PHACTR1: variants seen among roughly 807,000 people sequenced by gnomAD.
PHACTR1 encodes phosphatase and actin regulator 1.
PHACTR1 carries 16 observed loss-of-function variants against 69.2 expected under a neutral mutation model. The observed-to-expected ratio is 0.23, with a 90% CI of 0.16 to 0.35. The LOEUF (loss-of-function observed/expected upper bound fraction) is 0.35. Among genes scored for constraint, PHACTR1 ranks in the 10% least tolerant of loss-of-function variants. PHACTR1 has a pLI of 1.00. For missense variants in PHACTR1, 510 were observed against 734.7 expected (o/e 0.69, Z 3.54); for synonymous variants, 312 against 284.5 (o/e 1.10, Z -0.97).
chr6:12,988,863 G>A (rs1796493492), intron 4 of PHACTR1, among the ~76,000 whole-genome samples: 1 of 152,216 alleles, frequency 6.6e-6, no homozygotes, highest in Non-Finnish European at 1.5e-5. Context: ...GTTTTGAGAG[G>A]ATCAAACAGA....
rs1157064784 is a variant in PHACTR1 at position 13,246,442 on chromosome 6, A to G, written c.1391+16249A>G. Among the ~76,000 whole-genome samples, 1 of 152,254 alleles carries G rather than the reference A, an allele frequency of 6.6e-6. No homozygotes were observed. Among genetic ancestry groups the G allele is most frequent in the Non-Finnish European group, 1.5e-5 (1 of 68,030 alleles). On this transcript the variant is annotated intron_variant, in intron 10 of 14. Transcript: ENST00000332995. This position sits in a 1 kb window ranked among gnomAD's most constrained non-coding sequence, Gnocchi z 4.2. Reference sequence around the variant, plus strand: ...GGCTGATGGTTCATTACAGCTGAGCAAAGTCTCATTAATCATTTTGAAAAC... The same window carrying G: ...GGCTGATGGTTCATTACAGCTGAGCGAAGTCTCATTAATCATTTTGAAAAC...
intron 5 of PHACTR1, among the ~76,000 whole-genome samples, chr6:13,083,735 G>C (rs1811793476): frequency 6.6e-6 from 1 of 151,986 alleles, no homozygotes; most frequent in African/African-American, 2.4e-5. Flanking sequence ...CTCATGATTT[G>C]GCTCTCTGTT....
intron 4 of PHACTR1, among the ~76,000 whole-genome samples, chr6:12,770,033 G>C (rs1333811379): frequency 2.6e-5 from 4 of 152,148 alleles, no homozygotes; most frequent in African/African-American, 4.8e-5. Flanking sequence ...ATTCTGTTTG[G>C]GATGCTGATG....
intron 4 of PHACTR1, among the ~76,000 whole-genome samples, chr6:12,782,367 G>C (rs1316987758): frequency 6.6e-6 from 1 of 152,238 alleles, no homozygotes; most frequent in East Asian, 1.9e-4. Flanking sequence ...GGACACATTC[G>C]ACTTGTCAGT....
intron 5 of PHACTR1, among the ~76,000 whole-genome samples, chr6:13,057,544 T>C (rs552239831): frequency 5.3e-5 from 8 of 152,200 alleles, no homozygotes; most frequent in Non-Finnish European, 1.0e-4. Flanking sequence ...TTGCCATGAT[T>C]AGGTATACTG....
chr6:12,868,189 G>A (rs182219398), intron 4 of PHACTR1, among the ~76,000 whole-genome samples: 3 of 151,666 alleles, frequency 2.0e-5, no homozygotes, highest in Non-Finnish European at 2.9e-5. Flanking sequence ...CCAGGGAGTC[G>A]GAGGTTGCAG....
chr6:12,995,809 A>AT (rs898062614), intron 4 of PHACTR1, among the ~76,000 whole-genome samples: 5 of 152,024 alleles, frequency 3.3e-5, no homozygotes, highest in Admixed American at 6.5e-5. Flanking sequence ...TTTAAGACAC[A>AT]TTTTTTCACA....
At chr6:13,178,858 C>T (rs1211090169) in intron 6 of PHACTR1, among the ~76,000 whole-genome samples, 1 of 152,214 alleles carries the variant, frequency 6.6e-6, no homozygotes, top group African/African-American at 2.4e-5. Context: ...GCCTAAGCCT[C>T]ACCTTAGTGA....
At chr6:12,851,170 A>G (rs1437105681) in intron 4 of PHACTR1, among the ~76,000 whole-genome samples, 3 of 152,220 alleles carry the variant, frequency 2.0e-5, no homozygotes, top group Non-Finnish European at 4.4e-5. Flanking sequence ...AGAAAATCGG[A>G]CATGTCCTTG....
intron 5 of PHACTR1, among the ~76,000 whole-genome samples, chr6:13,149,173 A>G (rs1005972710): frequency 2.0e-5 from 3 of 152,132 alleles, no homozygotes; most frequent in African/African-American, 2.4e-5. Context: ...GCTTTCTGCA[A>G]TCTGGTATTT....
intron 4 of PHACTR1, among the ~76,000 whole-genome samples, chr6:12,922,699 T>C (rs566340128): frequency 2.8e-4 from 42 of 152,174 alleles, no homozygotes; most frequent in Non-Finnish European, 5.4e-4. Flanking sequence ...AGTCAGTGGG[T>C]GGTAAGAAGG....
chr6:12,881,076 C>T (rs540967143), intron 4 of PHACTR1, among the ~76,000 whole-genome samples: 2 of 152,290 alleles, frequency 1.3e-5, no homozygotes, highest in East Asian at 3.9e-4. Context: ...AAGTACGAAG[C>T]ACAGTGCCAG....
chr6:12,916,936 C>G (rs1787080073), intron 4 of PHACTR1, among the ~76,000 whole-genome samples: 1 of 152,100 alleles, frequency 6.6e-6, no homozygotes. Flanking sequence ...TGTTTTTTTA[C>G]TTTCAACATA....
rs566408108 is a variant in PHACTR1, at chr6:13,112,540, A to G, written c.416-47664A>G. On this transcript the variant is annotated intron_variant, in intron 5 of 14. Coordinates refer to ENST00000332995, the MANE Select transcript of PHACTR1 (RefSeq NM_030948.6). ...TCATTTTCTCTGCAACCTCACCAGC[A>G]TCTGATATTTTTTGACTTTTTAATG... Among the ~76,000 whole-genome samples the G allele has an allele frequency of 3.9e-5, 6 of 152,250 alleles. No homozygotes were observed. In the South Asian group the frequency reaches 1.2e-3, roughly 32 times the overall value.
chr6:12,943,160 A>G (rs1038598166), intron 4 of PHACTR1, among the ~76,000 whole-genome samples: 2 of 152,272 alleles, frequency 1.3e-5, no homozygotes, highest in African/African-American at 4.8e-5. Context: ...AATATGTGGC[A>G]TATCCATATA....
At chr6:13,009,988 A>C (rs1482536731) in intron 4 of PHACTR1, among the ~76,000 whole-genome samples, 2 of 151,214 alleles carry the variant, frequency 1.3e-5, no homozygotes, top group African/African-American at 4.9e-5. Context: ...CTCCCTTTAC[A>C]CATGACCCTC....
intron 7 of PHACTR1, among the ~76,000 whole-genome samples, chr6:13,192,374 G>A (rs1465841841): frequency 1.3e-5 from 2 of 152,190 alleles, no homozygotes; most frequent in African/African-American, 2.4e-5. Flanking sequence ...ACACAGGCAC[G>A]TGGGTACAAG....
intron 10 of PHACTR1, 200 bp downstream of exon 10, chr6:13,230,393 A>G: frequency 7.9e-7 from 1 of 1,273,818 alleles, no homozygotes; most frequent in Non-Finnish European, 1.0e-6. Flanking sequence ...CTCTACTAAA[A>G]ATGCAAAAAT....
At chr6:13,210,485 G>A (rs1766645396) in intron 8 of PHACTR1, among the ~76,000 whole-genome samples, 1 of 152,184 alleles carries the variant, frequency 6.6e-6, no homozygotes, top group Non-Finnish European at 1.5e-5. Flanking sequence ...CCTAGGCAGT[G>A]GGGTCCGAGC....
Sources: allele counts gnomAD v4.1 joint callset (sites outside exome capture counted in the v4.1 genomes callset), GRCh38; gene constraint gnomAD v4.1.1; non-coding constraint Gnocchi (gnomAD v3.1); transcripts MANE v1.5; gene names NCBI Gene and HGNC (gene_info 2026-07-23, HGNC 2026-07-21).